Variants in PTPRM observed in about 807,000 individuals in gnomAD.
PTPRM encodes the protein receptor-type tyrosine-protein phosphatase mu.
PTPRM carries 47 observed loss-of-function variants against 186.7 expected under a neutral mutation model. The ratio of observed to expected loss-of-function variants is 0.25; its 90% CI spans 0.20 to 0.32. The LOEUF is 0.32. Among genes scored for constraint, PTPRM ranks in the 10% least tolerant of loss-of-function variants. The pLI is 1.00. For missense variants in PTPRM, 1,494 were observed against 1,865.0 expected (o/e 0.80, Z 3.66); for synonymous variants, 668 against 674.9 (o/e 0.99, Z 0.16).
intron 31 of PTPRM, among the ~76,000 whole-genome samples, chr18:8,389,244 C>CG (rs536823741): frequency 1.0e-3 from 153 of 152,288 alleles, no homozygotes; most frequent in African/African-American, 3.6e-3. Context: ...TCGCTCCCCC[C>CG]GGGATTAGCA....
intron 7 of PTPRM, among the ~76,000 whole-genome samples, chr18:7,991,531 T>C (rs1352710129): frequency 6.6e-6 from 1 of 152,130 alleles, no homozygotes; most frequent in Non-Finnish European, 1.5e-5. Context: ...TAGCACATAA[T>C]AGAATCGCAG....
chr18:7,962,722 A>T (rs1490362283), intron 7 of PTPRM, among the ~76,000 whole-genome samples: 3 of 152,172 alleles, frequency 2.0e-5, no homozygotes, highest in Non-Finnish European at 4.4e-5. Flanking sequence ...TTTCTGTGGG[A>T]AAAAAGGAAA....
At chr18:8,152,471 A>G (rs1343879692) in intron 14 of PTPRM, among the ~76,000 whole-genome samples, 1 of 152,218 alleles carries the variant, frequency 6.6e-6, no homozygotes, top group South Asian at 2.1e-4. Flanking sequence ...AGCTGTGCGC[A>G]TCCCTGGTCT....
intron 1 of PTPRM, among the ~76,000 whole-genome samples, chr18:7,739,580 C>G (rs2040845610): frequency 6.6e-6 from 1 of 152,214 alleles, no homozygotes; most frequent in Non-Finnish European, 1.5e-5. Flanking sequence ...CTTTCCCATT[C>G]TTCAACTTTA....
At chr18:8,064,203 C>T (rs1344798433) in intron 7 of PTPRM, among the ~76,000 whole-genome samples, 2 of 151,962 alleles carry the variant, frequency 1.3e-5, no homozygotes, top group East Asian at 1.9e-4. Context: ...TATTTCCCAG[C>T]GAGATGGGGC....
chr18:7,837,546 C>T lies in PTPRM; in HGVS notation c.197-50560C>T, dbSNP rs576255523. On this transcript the variant is annotated intron_variant, in intron 2 of 32. Coordinates refer to ENST00000580170, the MANE Select transcript of PTPRM (RefSeq NM_001105244.2). ...CTCAGCTCACTGCAGCCTCCACCTC[C>T]GAGGTTCAAGTGATTCTCTTGCCTC... 1.8e-4 allele frequency among the ~76,000 whole-genome samples: 27 copies of T among 152,174 alleles called. No individual in the cohort carries two copies. The South Asian group carries it at 2.3e-3, about 13-fold the overall frequency.
intron 31 of PTPRM, among the ~76,000 whole-genome samples, chr18:8,387,942 C>A (rs1464733520): frequency 1.7e-3 from 142 of 84,636 alleles, no homozygotes; most frequent in African/African-American, 4.7e-3. Context: ...GGGAGCTTTA[C>A]ATGAAAAAAA....
chr18:8,159,416 A>G (rs1219850391), intron 14 of PTPRM, among the ~76,000 whole-genome samples: 5 of 152,254 alleles, frequency 3.3e-5, no homozygotes, highest in Non-Finnish European at 7.3e-5. Flanking sequence ...GTTTTACTGC[A>G]AGTAAAAATG....
chr18:7,988,554 G>A (rs1274398185), intron 7 of PTPRM, among the ~76,000 whole-genome samples: 2 of 151,938 alleles, frequency 1.3e-5, no homozygotes, highest in Admixed American at 6.6e-5. Context: ...TACTTAAAAC[G>A]ACAACCTCCA....
At chr18:8,330,638 T>C (rs1300721599) in intron 22 of PTPRM, among the ~76,000 whole-genome samples, 1 of 145,718 alleles carries the variant, frequency 6.9e-6, no homozygotes, top group Non-Finnish European at 1.5e-5. Context: ...ACCCCTCCAT[T>C]CTGAAGGCTG....
chr18:8,212,528 C>T (rs535229094), intron 14 of PTPRM, among the ~76,000 whole-genome samples: 6 of 152,270 alleles, frequency 3.9e-5, no homozygotes, highest in African/African-American at 1.4e-4. Context: ...TATGGCTGGA[C>T]ACAGTTGTTC....
chr18:8,295,738 A>G (rs1051654968), intron 19 of PTPRM, among the ~76,000 whole-genome samples: 2 of 152,226 alleles, frequency 1.3e-5, no homozygotes, highest in Middle Eastern at 3.2e-3. Context: ...CACTGAGAGT[A>G]GGGGACATTT....
At chr18:8,126,027 A>ATATATATATTTTTTTTTTT (rs57751538) in intron 13 of PTPRM, among the ~76,000 whole-genome samples, 2 of 69,540 alleles carry the variant, frequency 2.9e-5, no homozygotes, top group Admixed American at 2.1e-4. Flanking sequence ...ATATATATAT[A>ATATATATATTTTTTTTTTT]TTTTAAATCA....
intron 1 of PTPRM, among the ~76,000 whole-genome samples, chr18:7,729,118 C>T (rs1050366838): frequency 2.0e-5 from 3 of 151,986 alleles, no homozygotes; most frequent in African/African-American, 7.3e-5. Context: ...GCTTTGTTAC[C>T]CAGGCTGGTC....
At chr18:7,744,580 AT>A (rs1256354088) in intron 1 of PTPRM, among the ~76,000 whole-genome samples, 4 of 152,174 alleles carry the variant, frequency 2.6e-5, no homozygotes, top group Non-Finnish European at 5.9e-5. Context: ...TTATTAAAAT[AT>A]ATTCCTAGTG....
intron 23 of PTPRM, among the ~76,000 whole-genome samples, chr18:8,366,266 GC>G (rs1197784393): frequency 6.6e-6 from 1 of 152,230 alleles, no homozygotes; most frequent in Non-Finnish European, 1.5e-5. Context: ...CAGCACTCCA[GC>G]CTGGCAAGAC....
chr18:8,049,706 T>G (rs12961667), intron 7 of PTPRM, among the ~76,000 whole-genome samples: 348 of 112,310 alleles, frequency 3.1e-3, no homozygotes, highest in Non-Finnish European at 5.4e-3. Flanking sequence ...TGAAAGTCTG[T>G]GAGGTTTTTT....
At chr18:7,652,824 G>A (rs139553409) in intron 1 of PTPRM, among the ~76,000 whole-genome samples, 45,665 of 150,218 alleles carry the variant, frequency 0.3, 11,106 homozygotes, top group African/African-American at 0.67. Context: ...TAATGGGTGC[G>A]GCACACCAGC....
intron 1 of PTPRM, among the ~76,000 whole-genome samples, chr18:7,709,276 A>G (rs1229773576): frequency 6.6e-6 from 1 of 152,304 alleles, no homozygotes; most frequent in South Asian, 2.1e-4. Context: ...AACTATACAA[A>G]TAAATGGAGA....
Sources: gnomAD v4.1 joint callset for allele counts (sites outside exome capture counted in the v4.1 genomes callset) on GRCh38, gnomAD v4.1.1 for gene constraint, MANE v1.5 for transcripts, NCBI Gene and HGNC (gene_info 2026-07-23, HGNC 2026-07-21) for gene names.